Variants in MAPK9 observed in about 807,000 individuals in gnomAD.
MAPK9 encodes Jun kinase.
MAPK9 carries 30 observed loss-of-function variants against 57.1 expected under a neutral mutation model. The ratio of observed to expected loss-of-function variants is 0.53; its 90% CI spans 0.39 to 0.71. MAPK9 has a LOEUF of 0.71. MAPK9 is among the 30% of genes least tolerant of loss of function. MAPK9 has a pLI of 0.00. For missense variants in MAPK9, 362 were observed against 521.0 expected, an observed-to-expected ratio of 0.69 and a Z score of 2.97; for synonymous variants, 155 against 177.0, an observed-to-expected ratio of 0.88 and a Z score of 0.99.
chr5:180,264,020 T>C (rs1166633232), intron 4 of MAPK9, among the ~76,000 whole-genome samples: 1 of 152,062 alleles, frequency 6.6e-6, no homozygotes, highest in Admixed American at 6.6e-5. Flanking sequence ...AACTTCTTTA[T>C]CCCCTTCAAG....
chr5:180,240,193 GTTA>G (rs1757533919), intron 9 of MAPK9, among the ~76,000 whole-genome samples: 1 of 152,206 alleles, frequency 6.6e-6, no homozygotes, highest in African/African-American at 2.4e-5. Flanking sequence ...CCAAAGAAGA[GTTA>G]TTATGTTCCT....
Position 180,247,341 on chromosome 5 carries a change from T to G in MAPK9, c.688+98A>C. 3 of 1,413,736 alleles carry G rather than the reference T, an allele frequency of 2.1e-6. No individual in the cohort carries two copies. The highest frequency in any genetic ancestry group is 3.0e-6 in the Non-Finnish European group (3 of 1,001,006). 87.6% of individuals were successfully genotyped at this position (1,413,736 alleles called of 1,614,324 possible). A position where few individuals can be genotyped will look rare whatever the true frequency, so the allele number is the denominator to read the frequency against. On this transcript the variant is annotated intron_variant, in intron 7 of 11. Transcript: ENST00000452135. This position sits in a 1 kb window ranked among gnomAD's most constrained non-coding sequence, Gnocchi z 4.5. ...CTTAGAACACAGTCTGGAGTGGATT[T>G]TACGACTTTGTCCTCGTGAGCGCTC...
At chr5:180,237,567 T>TA (rs1757271425) in intron 11 of MAPK9, 1 of 152,228 alleles carries the variant, frequency 6.6e-6, no homozygotes, top group Non-Finnish European at 1.5e-5. Context: ...CCATTTTACT[T>TA]AGATTGGCAT....
chr5:180,244,646 C>T (rs1375391206), intron 7 of MAPK9, among the ~76,000 whole-genome samples: 2 of 151,854 alleles, frequency 1.3e-5, no homozygotes, highest in Admixed American at 6.6e-5. Flanking sequence ...TGGTGGCGGG[C>T]GCCTGTAATC....
chr5:180,250,943 G>C (rs1288995278), intron 5 of MAPK9, among the ~76,000 whole-genome samples: 2 of 152,150 alleles, frequency 1.3e-5, no homozygotes, highest in African/African-American at 2.4e-5. Context: ...AGGGAGCTAA[G>C]ACCAAATGAA....
chr5:180,237,055 GT>G (rs1757229649), intron 11 of MAPK9: 1 of 152,184 alleles, frequency 6.6e-6, no homozygotes, highest in African/African-American at 2.4e-5. Context: ...ATATTTTATG[GT>G]TTTATAACTC....
intron 10 of MAPK9, among the ~76,000 whole-genome samples, chr5:180,238,958 G>A (rs1757426279): frequency 6.6e-6 from 1 of 152,168 alleles, no homozygotes; most frequent in African/African-American, 2.4e-5. Context: ...AACATGTAGG[G>A]TGGTTCTGGA....
chr5:180,245,280 G>A (rs981916359), intron 7 of MAPK9, among the ~76,000 whole-genome samples: 1 of 152,022 alleles, frequency 6.6e-6, no homozygotes. Flanking sequence ...CCATCTCCCC[G>A]GCCACACCCC....
chr5:180,247,994 G>A lies in MAPK9; in HGVS notation c.617-484C>T. ...TCTTTTTTCTTCAAACCCCCTCCCA[G>A]GACAAACCCGGTACACGTCACTAGC... On this transcript the variant is annotated intron_variant, in intron 6 of 11. Transcript: ENST00000452135. This position sits in a 1 kb window ranked among gnomAD's most constrained non-coding sequence, Gnocchi z 4.5. 2 of 1,476,016 alleles carry A rather than the reference G, an allele frequency of 1.4e-6. No individual in the cohort carries two copies. Among genetic ancestry groups the A allele is most frequent in the Non-Finnish European group, 1.9e-6 (2 of 1,075,286 alleles). 91.4% of individuals were successfully genotyped at this position (1,476,016 alleles called of 1,614,324 possible).
chr5:180,291,715 C>T (rs892828001), intron 1 of MAPK9, 133 bp downstream of exon 1: 3 of 150,452 alleles, frequency 2.0e-5, no homozygotes, highest in South Asian at 2.1e-4. Context: ...ACAGGGGCGA[C>T]GGCTGCGGCT....
chr5:180,250,727 T>C (rs1172016511), intron 5 of MAPK9, among the ~76,000 whole-genome samples: 1 of 152,174 alleles, frequency 6.6e-6, no homozygotes, highest in Admixed American at 6.5e-5. Flanking sequence ...GATAAACATA[T>C]AATGTTTAAA....
chr5:180,255,438 G>C (rs1035990505), intron 5 of MAPK9, among the ~76,000 whole-genome samples: 32 of 152,084 alleles, frequency 2.1e-4, no homozygotes, highest in Admixed American at 9.2e-4. Context: ...AGGCTTGGGA[G>C]AGGTTCCTGA....
chr5:180,259,589 T>C (rs560434769), intron 5 of MAPK9, among the ~76,000 whole-genome samples: 2 of 152,288 alleles, frequency 1.3e-5, no homozygotes, highest in Non-Finnish European at 2.9e-5. Context: ...GTTCTCTATG[T>C]AAACATGAAA....
At position 180,248,882 on chromosome 5, in the gene MAPK9, C is replaced by T. The variant is rs1384774555; in HGVS notation, c.616+91G>A. ...GTGTAACAGTCCCCACAGTATATATCATATGGTTCAAAGGAAAGAGAAAAA... is the reference window on the plus strand; with the variant it reads ...GTGTAACAGTCCCCACAGTATATATTATATGGTTCAAAGGAAAGAGAAAAA... On this transcript the variant is annotated intron_variant, in intron 6 of 11. Coordinates refer to ENST00000452135, the MANE Select transcript of MAPK9 (RefSeq NM_002752.5). The T allele has an allele frequency of 1.1e-5, 15 of 1,403,580 alleles. No individual in the cohort carries two copies. In the South Asian group the frequency reaches 1.8e-4, roughly 16 times the overall value. The allele number at this position is 1,403,580 out of a possible 1,614,324, so 86.9% of individuals were successfully genotyped here. A position where few individuals can be genotyped will look rare whatever the true frequency, so the allele number is the denominator to read the frequency against.
chr5:180,236,181 T>C lies in MAPK9; in HGVS notation c.*203A>G, dbSNP rs1757157848. The C allele has an allele frequency of 1.3e-5, 6 of 448,464 alleles. No individual in the cohort carries two copies. Among genetic ancestry groups the C allele is most frequent in the Non-Finnish European group, 2.3e-5 (6 of 264,244 alleles). 27.8% of individuals were successfully genotyped at this position (448,464 alleles called of 1,614,324 possible). ...TGAACAAAATCTCTAGAAGTGTGGC[T>C]TGCAATTTTTTTCTTCAGACATATT... On this transcript the variant is annotated 3_prime_UTR_variant, in exon 12 of 12. Coordinates refer to ENST00000452135, the MANE Select transcript of MAPK9 (RefSeq NM_002752.5).
intron 5 of MAPK9, among the ~76,000 whole-genome samples, chr5:180,252,260 G>A (rs1758791192): frequency 6.6e-6 from 1 of 152,114 alleles, no homozygotes; most frequent in South Asian, 2.1e-4. Flanking sequence ...TAATCAGTGT[G>A]GAGGATGCAT....
rs113280209 is a variant in MAPK9, at chr5:180,251,659, G to A, written c.451-2521C>T. Among the ~76,000 whole-genome samples the A allele has an allele frequency of 3.2e-3, 485 of 152,194 alleles. 2 individuals are homozygous for A. Among genetic ancestry groups the A allele is most frequent in the Non-Finnish European group, 6.1e-3 (416 of 68,008 alleles). ...TCACTTCAATTTCAAGACAGCAGAG[G>A]AAAGACAGTTCTGCCCCTTCAAGTC... On this transcript the variant is annotated intron_variant, in intron 5 of 11. Coordinates refer to ENST00000452135, the MANE Select transcript of MAPK9 (RefSeq NM_002752.5).
At position 180,236,340 on chromosome 5, in the gene MAPK9, G is replaced by T. The variant is rs886874956; in HGVS notation, c.*44C>A. On this transcript the variant is annotated 3_prime_UTR_variant, in exon 12 of 12. Transcript: ENST00000452135. The stretch of plus-strand genomic sequence containing the variant: ...TCCCAAGCATTTCAGGCCCACGGAG[G>T]TGAGAGTTCCTTCAATGCTGACAGG... 6.4e-7 allele frequency: 1 copy of T among 1,564,118 alleles called. No homozygotes were observed. The highest frequency in any genetic ancestry group is 8.7e-7 in the Non-Finnish European group (1 of 1,148,064).
intron 9 of MAPK9, 125 bp downstream of exon 9, chr5:180,240,906 T>C: frequency 1.6e-6 from 2 of 1,226,120 alleles, no homozygotes; most frequent in Non-Finnish European, 2.2e-6. Context: ...TTGGCCTTTC[T>C]GTAACTGGGA....
Sources: allele counts gnomAD v4.1 joint callset (sites outside exome capture counted in the v4.1 genomes callset), GRCh38; gene constraint gnomAD v4.1.1; non-coding constraint Gnocchi (gnomAD v3.1); transcripts MANE v1.5; gene names NCBI Gene and HGNC (gene_info 2026-07-23, HGNC 2026-07-21).